Variants in CCT6A observed in about 807,000 individuals in gnomAD.
The protein encoded by CCT6A is T-complex protein 1 subunit zeta.
Under a neutral mutation model 58.6 loss-of-function variants are expected in CCT6A, and 6 were observed. The ratio of observed to expected loss-of-function variants is 0.10; its 90% CI spans 0.06 to 0.20. The LOEUF is 0.20. Among genes scored for constraint, CCT6A ranks in the 10% least tolerant of loss-of-function variants. The probability of loss-of-function intolerance (pLI) is 1.00; values close to 1 mark genes in which losing one functional copy is unlikely to be tolerated. For synonymous variants in CCT6A, 245 were observed against 227.8 expected, an observed-to-expected ratio of 1.08 and a Z score of -0.68; for missense variants, 516 against 648.8, an observed-to-expected ratio of 0.80 and a Z score of 2.22.
chr7:56,054,244 T>G (rs1007145109), intron 2 of CCT6A, 125 bp from the exon 3 acceptor site: 1 of 695,212 alleles, frequency 1.4e-6, no homozygotes, highest in African/African-American at 1.8e-5. Context: ...AAGTAATTTG[T>G]AGCCAACATT....
Position 56,060,860 on chromosome 7 carries a change from A to G in CCT6A, c.1267A>G (p.Ile423Val). The G allele has an allele frequency of 6.2e-7, 1 of 1,613,652 alleles. No individual in the cohort carries two copies. The highest frequency in any genetic ancestry group is 8.5e-7 in the Non-Finnish European group (1 of 1,180,012). ...AVEVAMAEAL[I>V]KHKPSVKGRA... ...GGAAGTGGCAATGGCAGAAGCCCTG[A>G]TTAAACATAAGCCCAGTGTAAAGGG... Residue 423 changes from isoleucine (I) to valine (V), a missense_variant, in exon 11 of 14, where the codon ATT becomes GTT. Ile to Val is a conservative substitution (Grantham distance 29). This residue lies in a region of CCT6A where 315 missense variants were observed against 389.4 expected (regional missense o/e 0.81). Coordinates refer to ENST00000275603, the MANE Select transcript of CCT6A (RefSeq NM_001762.4).
rs368984460 is a variant in CCT6A at position 56,058,005 on chromosome 7, G to T, written c.627G>T (p.Gly209=). ...TGTGTTTAAACAGCTTAATCAGAGG[G>T]CTTGTTTTGGACCACGGAGCACGGC... ...KSETDTSLIR[G]LVLDHGARHP... is the part of the protein sequence containing the mutation. The change falls in exon 6 of 14, where the codon GGG becomes GGT. Residue 209 remains glycine (G), a synonymous_variant. Transcript: ENST00000275603. 3.1e-6 allele frequency: 5 copies of T among 1,604,876 alleles called. No individual in the cohort carries two copies. Among genetic ancestry groups the T allele is most frequent in the Non-Finnish European group, 4.3e-6 (5 of 1,171,932 alleles).
intron 2 of CCT6A, 71 bp downstream of exon 2, chr7:56,052,556 TG>T: frequency 1.6e-6 from 2 of 1,283,870 alleles, no homozygotes; most frequent in Non-Finnish European, 2.3e-6. Context: ...TAGAAAGATT[TG>T]CAGTGTCCAT....
intron 1 of CCT6A, 38 bp downstream of exon 1, chr7:56,052,023 GCGCGCCGC>G: frequency 7.2e-7 from 1 of 1,392,214 alleles, no homozygotes; most frequent in Non-Finnish European, 9.3e-7. Flanking sequence ...GGCGGGCACC[GCGCGCCGC>G]CGCGCTCCTG....
chr7:56,054,579 G>GAGGTCTGATA, intron 3 of CCT6A, 76 bp downstream of exon 3: 3 of 1,414,624 alleles, frequency 2.1e-6, no homozygotes, highest in Non-Finnish European at 2.9e-6. Flanking sequence ...TTGATGTGCT[G>GAGGTCTGATA]TTAATAGTAG....
At chr7:56,061,689 T>TACTATCAG in intron 11 of CCT6A, 58 bp from the exon 12 acceptor site, 2 of 522,464 alleles carry the variant, frequency 3.8e-6, no homozygotes, top group Non-Finnish European at 6.6e-6. Flanking sequence ...TTTTTTTTTT[T>TACTATCAG]TTTTTACTAT....
At position 56,058,485 on chromosome 7, in the gene CCT6A, C is replaced by A; in HGVS notation, c.849C>A (p.Gly283=). Residue 283 remains glycine (G), a synonymous_variant, in exon 7 of 14, where the codon GGC becomes GGA. Transcript: ENST00000275603. The part of the protein sequence containing the change: ...KIIELKRKVC[G]DSDKGFVVIN... ...TAGAACTGAAAAGGAAAGTCTGTGGCGATTCAGATAAAGGATTTGTTGTTA... is the reference window on the plus strand; with the variant it reads ...TAGAACTGAAAAGGAAAGTCTGTGGAGATTCAGATAAAGGATTTGTTGTTA... 1 of 1,595,070 alleles carries A rather than the reference C, an allele frequency of 6.3e-7. No individual in the cohort carries two copies.
In CCT6A at chr7:56,058,720, CTT is replaced by C; in HGVS notation, c.968+21_968+22del. On this transcript the variant is annotated intron_variant, in intron 8 of 13. Coordinates refer to ENST00000275603, the MANE Select transcript of CCT6A (RefSeq NM_001762.4). ...ATGGAGAGGTATCCGAGTAATTTGA[CTT>C]TTACTCATTTTGCAAGTGAATTGGG... The C allele has an allele frequency of 7.0e-7, 1 of 1,425,580 alleles. No individual in the cohort carries two copies. Among genetic ancestry groups the C allele is most frequent in the Non-Finnish European group, 9.8e-7 (1 of 1,024,714 alleles). The allele number at this position is 1,425,580 out of a possible 1,614,324, so 88.3% of individuals were successfully genotyped here.
At chr7:56,062,886 C>T (rs1322785853) in intron 13 of CCT6A, 127 bp from the exon 14 acceptor site, 5 of 1,137,978 alleles carry the variant, frequency 4.4e-6, no homozygotes, top group African/African-American at 3.0e-5. Flanking sequence ...AACTAGCCCT[C>T]TGATGTGTAG....
At chr7:56,055,525 T>C in intron 3 of CCT6A, 99 bp from the exon 4 acceptor site, 12 of 992,582 alleles carry the variant, frequency 1.2e-5, no homozygotes, top group Non-Finnish European at 1.9e-5. Flanking sequence ...TTCAAAGGTA[T>C]GATGATCCAG....
At chr7:56,052,067 C>G in intron 1 of CCT6A, 82 bp downstream of exon 1, 2 of 1,184,232 alleles carry the variant, frequency 1.7e-6, no homozygotes, top group East Asian at 3.3e-5. Context: ...CGGACTGGAG[C>G]CCGCCGCCTC....
At position 56,052,335 on chromosome 7, in the gene CCT6A, A is replaced by G. The variant is rs1050870243; in HGVS notation, c.138-87A>G. 21 of 1,240,618 alleles carry G rather than the reference A, an allele frequency of 1.7e-5. No homozygotes were observed. The Admixed American group carries it at 3.4e-4, about 20-fold the overall frequency. The allele number at this position is 1,240,618 out of a possible 1,614,324, so 76.9% of individuals were successfully genotyped here. A position where few individuals can be genotyped will look rare whatever the true frequency, so the allele number is the denominator to read the frequency against. Reference sequence around the variant, plus strand: ...ACTAGCCCCACATCCCTGGCTCCCTAAAATCTGGGAAAAGCCCGTTTTCTA... The same window carrying G: ...ACTAGCCCCACATCCCTGGCTCCCTGAAATCTGGGAAAAGCCCGTTTTCTA... On this transcript the variant is annotated intron_variant, in intron 1 of 13. Coordinates refer to ENST00000275603, the MANE Select transcript of CCT6A (RefSeq NM_001762.4).
rs768137658 is a variant in CCT6A at position 56,058,071 on chromosome 7, C to A, written c.693C>A (p.Leu231=). The part of the protein sequence containing the change: ...MKKRVEDAYI[L]TCNVSLEYEK... ...AAAGGGTGGAGGATGCATACATCCT[C>A]ACTTGTAACGTGTCATTAGAGTATG... Residue 231 remains leucine (L), a synonymous_variant, in exon 6 of 14, where the codon CTC becomes CTA. Coordinates refer to ENST00000275603, the MANE Select transcript of CCT6A (RefSeq NM_001762.4). 5 of 1,607,468 alleles carry A rather than the reference C, an allele frequency of 3.1e-6. No homozygotes were observed. The South Asian group carries it at 5.5e-5, about 18-fold the overall frequency.
Position 56,056,816 on chromosome 7 carries a change from A to T in CCT6A, c.614+402A>T, listed in dbSNP as rs1794318462. On this transcript the variant is annotated intron_variant, in intron 5 of 13. Coordinates refer to ENST00000275603, the MANE Select transcript of CCT6A (RefSeq NM_001762.4). Reference sequence around the variant, plus strand: ...ATAGTTGGCTTTTTTTTTTTTTGAGATGGAGTCTTGCTCTGTCGCCCAGCC... The same window carrying T: ...ATAGTTGGCTTTTTTTTTTTTTGAGTTGGAGTCTTGCTCTGTCGCCCAGCC... Among the ~76,000 whole-genome samples the T allele has an allele frequency of 2.8e-5, 4 of 142,510 alleles. No homozygotes were observed. The South Asian group carries it at 6.6e-4, about 24-fold the overall frequency. The allele number at this position is 142,510 out of a possible 152,430, so 93.5% of individuals were successfully genotyped here.
At chr7:56,062,961 C>T (rs905544148) in intron 13 of CCT6A, 52 bp from the exon 14 acceptor site, 65 of 1,411,362 alleles carry the variant, frequency 4.6e-5, no homozygotes, top group African/African-American at 4.2e-5. Context: ...GAAGTTGAGT[C>T]GAATTAGGGC....
chr7:56,060,676 T>G, intron 10 of CCT6A, 131 bp from the exon 11 acceptor site: 1 of 1,206,158 alleles, frequency 8.3e-7, no homozygotes, highest in Non-Finnish European at 1.2e-6. Flanking sequence ...ATTCTCCTAT[T>G]TGGTATGTTA....
At position 56,063,262 on chromosome 7, in the gene CCT6A, A is replaced by G; in HGVS notation, c.*177A>G. 1 of 607,180 alleles carries G rather than the reference A, an allele frequency of 1.6e-6. No homozygotes were observed. The allele number at this position is 607,180 out of a possible 1,614,324, so 37.6% of individuals were successfully genotyped here. ...AGTTCTGAAATTATAGTATTTTTAAAAATTGCACTGAAGTGTATACACATA... is the reference window on the plus strand; with the variant it reads ...AGTTCTGAAATTATAGTATTTTTAAGAATTGCACTGAAGTGTATACACATA... On this transcript the variant is annotated 3_prime_UTR_variant, in exon 14 of 14. Coordinates refer to ENST00000275603, the MANE Select transcript of CCT6A (RefSeq NM_001762.4).
At chr7:56,062,974 C>G (rs373856171) in intron 13 of CCT6A, 39 bp from the exon 14 acceptor site, 9 of 1,484,492 alleles carry the variant, frequency 6.1e-6, no homozygotes, top group Middle Eastern at 3.4e-4. Context: ...ATTAGGGCTC[C>G]TAATCATCTG....
chr7:56,062,840 C>A, intron 13 of CCT6A, 85 bp downstream of exon 13: 1 of 1,248,360 alleles, frequency 8.0e-7, no homozygotes, highest in African/African-American at 1.5e-5. Flanking sequence ...TCCTTTCCCC[C>A]ATGAATAATG....
Sources: gnomAD v4.1 joint callset for allele counts (sites outside exome capture counted in the v4.1 genomes callset) on GRCh38, gnomAD v4.1.1 for gene constraint, gnomAD v4.1.1 regional missense constraint, MANE v1.5 for transcripts, NCBI Gene and HGNC (gene_info 2026-07-23, HGNC 2026-07-21) for gene names.